The following JUP variants were observed in gnomAD, a reference collection of about 807,000 sequenced individuals.
JUP encodes the protein catenin (cadherin-associated protein), gamma 80kDa.
In JUP, 28 loss-of-function variants were observed where a neutral mutation model predicts 71.1. The ratio of observed to expected loss-of-function variants is 0.39; its 90% confidence interval spans 0.29 to 0.54. The LOEUF is 0.54. Ranked by LOEUF, JUP falls within the 20% of genes least tolerant of loss-of-function variation. JUP has a pLI of 0.62. For missense variants in JUP, 869 were observed against 1,030.1 expected, an observed-to-expected ratio of 0.84 and a Z score of 2.14; for synonymous variants, 401 against 438.9, an observed-to-expected ratio of 0.91 and a Z score of 1.08.
rs202006846 is a variant in JUP at position 41,755,918 on chromosome 17, G to A, written c.2087-23C>T. Reference sequence around the variant, plus strand: ...TGTCTGGGGACAAAAAGTGGGGCTCGGTCCTAGGGTCTGCAAGCTACCCTG... The same window carrying A: ...TGTCTGGGGACAAAAAGTGGGGCTCAGTCCTAGGGTCTGCAAGCTACCCTG... On this transcript the variant is annotated intron_variant, in intron 13 of 13. Transcript: ENST00000393931. 25 of 1,590,580 alleles carry A rather than the reference G, an allele frequency of 1.6e-5. No individual in the cohort carries two copies. The East Asian group carries it at 3.6e-4, about 23-fold the overall frequency.
At chr17:41,785,314 C>T (rs1555611492) in intron 1 of JUP, among the ~76,000 whole-genome samples, 1 of 151,052 alleles carries the variant, frequency 6.6e-6, no homozygotes, top group Non-Finnish European at 1.5e-5. Flanking sequence ...TTTGGCCCAG[C>T]CCTGCCCCAC....
rs185936850 is a variant in JUP, at chr17:41,780,639, G to A, written c.-9+5949C>T. On this transcript the variant is annotated intron_variant, in intron 1 of 13. Coordinates refer to ENST00000393931, the MANE Select transcript of JUP (RefSeq NM_002230.4). ...GAACCTAGGAGGCAGAGGTTGCAGT[G>A]AGCCAAGACTGCACTACTGCACTCC... Among the ~76,000 whole-genome samples, 913 of 151,712 alleles carry A rather than the reference G, an allele frequency of 6.0e-3. 7 individuals carry two copies. Among genetic ancestry groups the A allele is most frequent in the Non-Finnish European group, 7.0e-3 (474 of 67,950 alleles).
intron 2 of JUP, among the ~76,000 whole-genome samples, chr17:41,770,129 A>G (rs1358915010): frequency 2.0e-5 from 3 of 152,064 alleles, no homozygotes; most frequent in African/African-American, 7.2e-5. Context: ...TCTGTTTTCA[A>G]CCCTGAAATC....
rs782702266 is a variant in JUP, at chr17:41,769,201, C to A, written c.475G>T (p.Val159Leu). The change falls in exon 4 of 14, where the codon GTG becomes TTG. Residue 159 changes from valine to leucine, a missense_variant. Val to Leu is a conservative substitution (Grantham distance 32). Transcript: ENST00000393931. Reference protein sequence around the residue: ...KLLNDEDPVVVTKAAMIVNQL... With the variant: ...KLLNDEDPVVLTKAAMIVNQL... ...TTCACAATCATGGCCGCCTTGGTCA[C>A]CACCACCTGGAGGGCAAAGGCAGGG... The A allele has an allele frequency of 5.1e-5, 81 of 1,600,322 alleles. No individual in the cohort carries two copies. The Middle Eastern group carries it at 1.1e-3, about 21-fold the overall frequency.
At chr17:41,759,591 A>G (rs1276274058) in intron 8 of JUP, among the ~76,000 whole-genome samples, 8 of 151,914 alleles carry the variant, frequency 5.3e-5, no homozygotes, top group Admixed American at 1.3e-4. Context: ...TGGTGCTCAC[A>G]TTGTCATTAA....
chr17:41,756,028 C>T (rs1340094265), intron 13 of JUP, 133 bp from the exon 14 acceptor site: 17 of 1,351,232 alleles, frequency 1.3e-5, no homozygotes, highest in Non-Finnish European at 1.6e-5. Flanking sequence ...GACCCCACAC[C>T]AGGGCATCTA....
At chr17:41,764,690 C>A (rs781806501) in intron 7 of JUP, 23 bp downstream of exon 7, 1 of 1,604,546 alleles carries the variant, frequency 6.2e-7, no homozygotes, top group Non-Finnish European at 8.5e-7. Flanking sequence ...GAGGTCAACC[C>A]CAGGCCCAGA....
chr17:41,771,564 C>T, intron 2 of JUP, 83 bp downstream of exon 2: 1 of 1,301,226 alleles, frequency 7.7e-7, no homozygotes, highest in Non-Finnish European at 1.1e-6. Context: ...AGACCCCCTA[C>T]AATCTGCCTC....
rs1567801874 is a variant in JUP, at chr17:41,757,793, AGGGGAC to A, written c.1774-15_1774-10del. On this transcript the variant is annotated splice_polypyrimidine_tract_variant and intron_variant, in intron 10 of 13. Transcript: ENST00000393931. ...ACCGACGAGTACAGGAGCTGGGGAGAGGGGACGTGGGAAGCAGGGGAGAGGTGGAAA... is the reference window on the plus strand; with the variant it reads ...ACCGACGAGTACAGGAGCTGGGGAGAGTGGGAAGCAGGGGAGAGGTGGAAA... The A allele has an allele frequency of 1.2e-6, 2 of 1,602,678 alleles. No individual in the cohort carries two copies. The highest frequency in any genetic ancestry group is 2.2e-5 in the South Asian group (2 of 89,294).
intron 1 of JUP, among the ~76,000 whole-genome samples, chr17:41,773,764 C>CA (rs1917038734): frequency 6.6e-6 from 1 of 152,138 alleles, no homozygotes; most frequent in Non-Finnish European, 1.5e-5. Flanking sequence ...CGTGCTGTGC[C>CA]GCCTTCCCCA....
At position 41,755,650 on chromosome 17, in the gene JUP, G is replaced by T; in HGVS notation, c.*94C>A. The T allele has an allele frequency of 7.9e-7, 1 of 1,264,444 alleles. No individual in the cohort carries two copies. The highest frequency in any genetic ancestry group is 1.1e-6 in the Non-Finnish European group (1 of 931,840). The allele number at this position is 1,264,444 out of a possible 1,614,324, so 78.3% of individuals were successfully genotyped here. On this transcript the variant is annotated 3_prime_UTR_variant, in exon 14 of 14. Transcript: ENST00000393931. ...GGATCCCCCCAAAAAAGGAGCGCAG[G>T]TTTCAGCGGGGAGATGGGAGGGCCT...
chr17:41,764,534 GAAAAAAAAAA>G (rs1555603054), intron 7 of JUP, among the ~76,000 whole-genome samples, 169 bp downstream of exon 7: 8 of 83,910 alleles, frequency 9.5e-5, no homozygotes, highest in African/African-American at 4.2e-4. Flanking sequence ...GACTCCGTCA[GAAAAAAAAAA>G]AAAAAAAAAA....
chr17:41,762,169 G>C (rs1914964416), intron 8 of JUP, among the ~76,000 whole-genome samples: 1 of 50,916 alleles, frequency 2.0e-5, no homozygotes, highest in African/African-American at 6.3e-5. Flanking sequence ...GAGAGAGAGA[G>C]AGAGAGAGTG....
Position 41,757,822 on chromosome 17 carries a change from A to G in JUP, c.1774-38T>C, listed in dbSNP as rs782191814. 15 of 1,570,260 alleles carry G rather than the reference A, an allele frequency of 9.6e-6. No individual in the cohort carries two copies. The South Asian group carries it at 1.5e-4, about 16-fold the overall frequency. On this transcript the variant is annotated intron_variant, in intron 10 of 13. Transcript: ENST00000393931. ...GACGTGGGAAGCAGGGGAGAGGTGG[A>G]AAGGGGTGAGGCAGGCCGGACAACA...
rs112420659 is a variant in JUP at position 41,770,589 on chromosome 17, A to T, written c.209-912T>A. ...GACTGGCATGCGAGGGCTGAGCTCC[A>T]TAGAGCCCCACCAGCCACAGTCTAC... On this transcript the variant is annotated intron_variant, in intron 2 of 13. Transcript: ENST00000393931. Among the ~76,000 whole-genome samples, 814 of 152,270 alleles carry T rather than the reference A, an allele frequency of 5.3e-3. 6 individuals are homozygous for T. The highest frequency in any genetic ancestry group is 0.019 in the African/African-American group (799 of 41,556).
At chr17:41,759,658 T>A (rs1555600264) in intron 8 of JUP, among the ~76,000 whole-genome samples, 1 of 152,128 alleles carries the variant, frequency 6.6e-6, no homozygotes, top group African/African-American at 2.4e-5. Context: ...CCAGGGTCTT[T>A]GACTCAGAGG....
intron 7 of JUP, among the ~76,000 whole-genome samples, chr17:41,763,924 G>A (rs1456404786): frequency 6.6e-6 from 1 of 152,172 alleles, no homozygotes; most frequent in Non-Finnish European, 1.5e-5. Flanking sequence ...ACAGTCCTGG[G>A]TTCAAATCCC....
Position 41,754,859 on chromosome 17 carries a change from C to T in JUP, c.*885G>A. ...TGGGTGGGACAGGGGTGTGAGGAAGCTGTCCCCAGAGCTCCCTGGGGAGTG... is the reference window on the plus strand; with the variant it reads ...TGGGTGGGACAGGGGTGTGAGGAAGTTGTCCCCAGAGCTCCCTGGGGAGTG... On this transcript the variant is annotated 3_prime_UTR_variant, in exon 14 of 14. Transcript: ENST00000393931. The T allele has an allele frequency of 6.5e-6, 1 of 154,086 alleles. No individual in the cohort carries two copies. The highest frequency in any genetic ancestry group is 1.4e-5 in the Non-Finnish European group (1 of 69,116). 9.5% of individuals were successfully genotyped at this position (154,086 alleles called of 1,614,324 possible). A position where few individuals can be genotyped will look rare whatever the true frequency, so the allele number is the denominator to read the frequency against.
chr17:41,774,242 G>C (rs1325839317), intron 1 of JUP, among the ~76,000 whole-genome samples: 3 of 152,096 alleles, frequency 2.0e-5, no homozygotes, highest in Non-Finnish European at 2.9e-5. Flanking sequence ...GGGGGGGTGG[G>C]GGGGTGGACG....
Sources: allele counts gnomAD v4.1 joint callset (sites outside exome capture counted in the v4.1 genomes callset), GRCh38; gene constraint gnomAD v4.1.1; transcripts MANE v1.5; gene names NCBI Gene and HGNC (gene_info 2026-07-23, HGNC 2026-07-21).